Variants in RANBP2 observed in about 807,000 individuals in gnomAD.
RANBP2 encodes E3 SUMO-protein ligase RanBP2.
A neutral mutation model predicts 303.6 loss-of-function variants in RANBP2; 57 were observed. The observed-to-expected ratio is 0.19, with a 90% CI of 0.15 to 0.23. The LOEUF is 0.23. Ranked by LOEUF, RANBP2 falls within the 10% of genes least tolerant of loss-of-function variation. The pLI is 1.00. For synonymous variants in RANBP2, 1,167 were observed against 1,301.5 expected (o/e 0.90, Z 2.23); for missense variants, 3,138 against 3,780.8 (o/e 0.83, Z 4.46).
the RANBP2 span, among the ~76,000 whole-genome samples, chr2:108,897,768 A>G: frequency 3.9e-3 from 600 of 152,302 alleles, 6 homozygotes; most frequent in South Asian, 0.017. Context: ...AGCATTTAAA[A>G]ACTTGATATT....
the RANBP2 span, among the ~76,000 whole-genome samples, chr2:109,133,078 G>A: frequency 6.6e-6 from 1 of 152,210 alleles, no homozygotes; most frequent in Admixed American, 6.5e-5. Flanking sequence ...TCTGGATGGA[G>A]CTGACAGTAG....
At chr2:108,727,277 A>T (rs13002526) in intron 1 of RANBP2, among the ~76,000 whole-genome samples, 2 of 152,148 alleles carry the variant, frequency 1.3e-5, no homozygotes, top group Non-Finnish European at 2.9e-5. Context: ...CATATACTGG[A>T]GTTGCTAAGA....
the RANBP2 span, among the ~76,000 whole-genome samples, chr2:109,524,318 C>T: frequency 6.6e-6 from 1 of 152,070 alleles, no homozygotes; most frequent in Admixed American, 6.5e-5. Context: ...CCCACTGTCA[C>T]CTTCTCATGA....
At chr2:109,360,948 G>T in the RANBP2 span, among the ~76,000 whole-genome samples, 11 of 152,150 alleles carry the variant, frequency 7.2e-5, no homozygotes, top group African/African-American at 2.2e-4. Flanking sequence ...TCGTAATTAG[G>T]TGAACTGTAG....
chr2:109,062,706 G>A, the RANBP2 span, among the ~76,000 whole-genome samples: 1 of 152,144 alleles, frequency 6.6e-6, no homozygotes, highest in African/African-American at 2.4e-5. Context: ...CATGGACAGT[G>A]CCCTCTCTCG....
At chr2:109,415,709 G>A in the RANBP2 span, among the ~76,000 whole-genome samples, 2 of 152,120 alleles carry the variant, frequency 1.3e-5, no homozygotes, top group Non-Finnish European at 2.9e-5. Flanking sequence ...ATCCCGTGGG[G>A]ATACTGCCCC....
chr2:109,149,351 CA>C, the RANBP2 span, among the ~76,000 whole-genome samples: 2 of 152,200 alleles, frequency 1.3e-5, no homozygotes, highest in Admixed American at 6.5e-5. Flanking sequence ...TCCATTTAAT[CA>C]AGAGTCAAGT....
At chr2:108,978,118 CA>C in the RANBP2 span, among the ~76,000 whole-genome samples, 1 of 152,188 alleles carries the variant, frequency 6.6e-6, no homozygotes, top group Non-Finnish European at 1.5e-5. Context: ...CAAAGGGCCC[CA>C]GAGGGCAAGG....
chr2:109,690,416 A>G, the RANBP2 span, among the ~76,000 whole-genome samples: 3 of 152,244 alleles, frequency 2.0e-5, no homozygotes, highest in Non-Finnish European at 4.4e-5. Flanking sequence ...GAAGGCAATC[A>G]GATATGCCTT....
the RANBP2 span, among the ~76,000 whole-genome samples, chr2:109,389,824 G>T: frequency 6.6e-6 from 1 of 152,080 alleles, no homozygotes; most frequent in South Asian, 2.1e-4. Flanking sequence ...CTTCCCTGAT[G>T]GGGGTGCACT....
the RANBP2 span, among the ~76,000 whole-genome samples, chr2:108,853,977 A>T: frequency 3.7e-4 from 5 of 13,590 alleles, no homozygotes; most frequent in African/African-American, 6.3e-4. Context: ...AATATATATA[A>T]TATATAATAT....
chr2:109,185,659 T>G, the RANBP2 span, among the ~76,000 whole-genome samples: 1 of 152,132 alleles, frequency 6.6e-6, no homozygotes, highest in East Asian at 1.9e-4. Flanking sequence ...ACACTCCTGG[T>G]TCACCTTAGT....
chr2:108,986,963 C>G, the RANBP2 span, among the ~76,000 whole-genome samples: 2 of 152,116 alleles, frequency 1.3e-5, no homozygotes, highest in African/African-American at 4.8e-5. Context: ...AATACCTAGG[C>G]AGAGCCTCAA....
At chr2:108,935,123 G>A in the RANBP2 span, among the ~76,000 whole-genome samples, 4 of 152,142 alleles carry the variant, frequency 2.6e-5, no homozygotes, top group African/African-American at 7.2e-5. Flanking sequence ...GGCGCTTTAC[G>A]GAAAAGGTCT....
At chr2:109,709,677 A>G in the RANBP2 span, among the ~76,000 whole-genome samples, 1 of 152,288 alleles carries the variant, frequency 6.6e-6, no homozygotes, top group Admixed American at 6.5e-5. Flanking sequence ...AGGGCTCATA[A>G]AAGCCCTCAG....
At chr2:109,082,594 C>T in the RANBP2 span, among the ~76,000 whole-genome samples, 4 of 151,114 alleles carry the variant, frequency 2.6e-5, no homozygotes, top group Non-Finnish European at 4.4e-5. Flanking sequence ...CCACCACACC[C>T]GGCCTAGCAC....
chr2:109,669,086 C>G, the RANBP2 span, among the ~76,000 whole-genome samples: 2 of 152,104 alleles, frequency 1.3e-5, no homozygotes, highest in Non-Finnish European at 2.9e-5. Context: ...TCATCTTTGA[C>G]AAAGACACCA....
the RANBP2 span, among the ~76,000 whole-genome samples, chr2:108,906,003 T>C: frequency 6.8e-6 from 1 of 145,990 alleles, no homozygotes; most frequent in African/African-American, 2.8e-5. Context: ...ACACGGGAGG[T>C]CTGAGGCTCC....
the RANBP2 span, among the ~76,000 whole-genome samples, chr2:109,043,598 G>A: frequency 6.6e-6 from 1 of 152,166 alleles, no homozygotes; most frequent in Non-Finnish European, 1.5e-5. Context: ...GCCTCCCAGA[G>A]TGCTGGAATT....
Sources: allele counts gnomAD v4.1 joint callset (sites outside exome capture counted in the v4.1 genomes callset), GRCh38; gene constraint gnomAD v4.1.1; transcripts MANE v1.5; gene names NCBI Gene and HGNC (gene_info 2026-07-23, HGNC 2026-07-21).